Variants in PDIA4 observed in about 807,000 individuals in gnomAD.
PDIA4 encodes the protein protein disulfide isomerase family A member 4.
Under a neutral mutation model 62.1 loss-of-function variants are expected in PDIA4, and 33 were observed. The ratio of observed to expected loss-of-function variants is 0.53; its 90% CI spans 0.40 to 0.71. The LOEUF (loss-of-function observed/expected upper bound fraction) is 0.71. PDIA4 is among the 30% of genes least tolerant of loss of function. The pLI is 0.00. For missense variants in PDIA4, 804 were observed against 813.6 expected, an observed-to-expected ratio of 0.99 and a Z score of 0.14; for synonymous variants, 341 against 324.1, an observed-to-expected ratio of 1.05 and a Z score of -0.56.
intron 1 of PDIA4, chr7:149,027,952 T>C (rs147432154): frequency 7.9e-6 from 4 of 504,232 alleles, no homozygotes; most frequent in Admixed American, 6.9e-5. Context: ...TCCCACTGCC[T>C]GGGCGCGTTC....
At chr7:149,008,333 T>C (rs1429253980) in intron 6 of PDIA4, 23 bp from the exon 7 acceptor site, 9 of 1,599,576 alleles carry the variant, frequency 5.6e-6, no homozygotes, top group Admixed American at 1.8e-5. Context: ...CAGAATAAGA[T>C]GTAATTTTGA....
intron 2 of PDIA4, 23 bp from the exon 3 acceptor site, chr7:149,019,220 C>A: frequency 6.6e-7 from 1 of 1,521,348 alleles, no homozygotes; most frequent in East Asian, 2.3e-5. Context: ...TTAGGAAGGG[C>A]AAAAAACGTT....
chr7:149,010,597 G>A (rs900632255), intron 6 of PDIA4, among the ~76,000 whole-genome samples: 15 of 152,130 alleles, frequency 9.9e-5, no homozygotes, highest in African/African-American at 2.7e-4. Context: ...AGACAGACCC[G>A]CATCAAGAAC....
chr7:149,028,021 CA>C, intron 1 of PDIA4: 4 of 600,142 alleles, frequency 6.7e-6, no homozygotes, highest in Non-Finnish European at 9.7e-6. Flanking sequence ...GACCCAGCTG[CA>C]AAAAAGGCGC....
intron 1 of PDIA4, among the ~76,000 whole-genome samples, 168 bp downstream of exon 1, chr7:149,028,153 G>T (rs916702996): frequency 3.3e-5 from 5 of 152,116 alleles, no homozygotes; most frequent in African/African-American, 1.2e-4. Flanking sequence ...CACAGCCACC[G>T]CCCCCGCCCC....
intron 4 of PDIA4, among the ~76,000 whole-genome samples, chr7:149,013,073 C>T (rs1455343823): frequency 2.0e-5 from 3 of 152,112 alleles, no homozygotes; most frequent in Non-Finnish European, 4.4e-5. Context: ...CATGGCAATA[C>T]CCCGTCTCTA....
chr7:149,003,601 GGACTA>G lies in PDIA4; in HGVS notation c.*188_*192del. 2.4e-6 allele frequency: 1 copy of G among 420,410 alleles called. No individual in the cohort carries two copies. Among genetic ancestry groups the G allele is most frequent in the Non-Finnish European group, 4.1e-6 (1 of 243,666 alleles). The allele number at this position is 420,410 out of a possible 1,614,324, so 26.0% of individuals were successfully genotyped here. On this transcript the variant is annotated 3_prime_UTR_variant, in exon 10 of 10. Transcript: ENST00000652332. ...ATAGATGTATCCTCTGTAAAAATCT[GGACTA>G]AACTATTCAGTCATTCATGGTTATT... is the stretch of plus-strand genomic sequence containing the variant.
Position 149,019,192 on chromosome 7 carries a change from C to A in PDIA4, c.275G>T (p.Gly92Val). The change falls in exon 3 of 10, where the codon GGA becomes GTA. Residue 92 changes from glycine (G) to valine (V), a missense_variant. Transcript: ENST00000652332. ...TTCCGGAGCAAACTGCTTGCAATGT[C>A]CACACCTAACAATTAGATTAGGAAG... ...VLLEFYAPWC[G>V]HCKQFAPEYE... 6.2e-7 allele frequency: 1 copy of A among 1,610,234 alleles called. No homozygotes were observed. The highest frequency in any genetic ancestry group is 1.1e-5 in the South Asian group (1 of 91,006).
intron 1 of PDIA4, chr7:149,027,829 T>A (rs1024776183): frequency 6.4e-6 from 3 of 471,752 alleles, no homozygotes; most frequent in African/African-American, 6.0e-5. Context: ...TATGGATTAA[T>A]CATTTCCAAA....
At chr7:149,024,833 A>C (rs1379940382) in intron 1 of PDIA4, among the ~76,000 whole-genome samples, 94 of 147,392 alleles carry the variant, frequency 6.4e-4, no homozygotes, top group African/African-American at 2.3e-3. Flanking sequence ...AAAAAAAAAA[A>C]AAAAAAAAAG....
At chr7:149,018,579 G>A (rs1167591635) in intron 3 of PDIA4, among the ~76,000 whole-genome samples, 3 of 152,086 alleles carry the variant, frequency 2.0e-5, no homozygotes, top group Admixed American at 1.3e-4. Flanking sequence ...TTACACTCAT[G>A]AGCCACTACA....
At chr7:149,004,884 G>C (rs1342172580) in intron 9 of PDIA4, among the ~76,000 whole-genome samples, 2 of 152,214 alleles carry the variant, frequency 1.3e-5, no homozygotes, top group East Asian at 3.8e-4. Context: ...AGTAAACACT[G>C]GGAGAACTGC....
chr7:149,024,915 G>A (rs964474670), intron 1 of PDIA4, among the ~76,000 whole-genome samples: 7 of 149,720 alleles, frequency 4.7e-5, no homozygotes, highest in East Asian at 3.9e-4. Flanking sequence ...TCCTGAGGTC[G>A]GGAGTTCGAG....
intron 1 of PDIA4, among the ~76,000 whole-genome samples, chr7:149,026,762 G>A (rs917002639): frequency 1.3e-5 from 2 of 148,578 alleles, no homozygotes; most frequent in Admixed American, 6.7e-5. Context: ...TCAGGACAGT[G>A]CACTCAAGCC....
chr7:149,015,093 C>G, intron 3 of PDIA4, 51 bp from the exon 4 acceptor site: 1 of 1,594,042 alleles, frequency 6.3e-7, no homozygotes, highest in Non-Finnish European at 8.6e-7. Flanking sequence ...CTGGCAGGCA[C>G]TTCACCTCCC....
rs115414715 is a variant in PDIA4, at chr7:149,025,646, G to A, written c.88+2675C>T. On this transcript the variant is annotated intron_variant, in intron 1 of 9. Coordinates refer to ENST00000652332, the MANE Select transcript of PDIA4 (RefSeq NM_004911.5). ...TCCAAAGATCACAAAGCTACTTAGC[G>A]GAGGGTCCTGACCACTTAACTGCTA... is the stretch of plus-strand genomic sequence containing the variant. Among the ~76,000 whole-genome samples, 699 of 152,244 alleles carry A rather than the reference G, an allele frequency of 4.6e-3. 5 individuals carry two copies. The highest frequency in any genetic ancestry group is 0.016 in the African/African-American group (646 of 41,538).
Position 149,028,132 on chromosome 7 carries a change from C to G in PDIA4, c.88+189G>C, listed in dbSNP as rs1011832109. 1.0e-5 allele frequency: 6 copies of G among 596,672 alleles called. No homozygotes were observed. In the African/African-American group the frequency reaches 1.1e-4, roughly 11 times the overall value. 37.0% of individuals were successfully genotyped at this position (596,672 alleles called of 1,614,324 possible). On this transcript the variant is annotated intron_variant, in intron 1 of 9. Transcript: ENST00000652332. ...CCTCTCCCGGGAACCCCAAATCGAT[C>G]CTGCCACTGCCACAGCCACCGCCCC...
chr7:149,024,702 G>A lies in PDIA4; in HGVS notation c.89-3555C>T, dbSNP rs375493051. ...ATGGTGGCACACACCTGTAATCCCAGCCACTCGGGAGGCTGAGGCAGGGGA... is the reference window on the plus strand; with the variant it reads ...ATGGTGGCACACACCTGTAATCCCAACCACTCGGGAGGCTGAGGCAGGGGA... On this transcript the variant is annotated intron_variant, in intron 1 of 9. Transcript: ENST00000652332. Among the ~76,000 whole-genome samples the A allele has an allele frequency of 1.3e-3, 201 of 151,474 alleles. 2 individuals are homozygous for A. The South Asian group carries it at 0.041, about 31-fold the overall frequency.
At chr7:149,019,298 C>T in intron 2 of PDIA4, 101 bp from the exon 3 acceptor site, 1 of 830,068 alleles carries the variant, frequency 1.2e-6, no homozygotes, top group South Asian at 1.5e-5. Context: ...GGTTTGTCCA[C>T]ACCAAAATGT....
Sources: allele counts gnomAD v4.1 joint callset (sites outside exome capture counted in the v4.1 genomes callset), GRCh38; gene constraint gnomAD v4.1.1; transcripts MANE v1.5; gene names NCBI Gene and HGNC (gene_info 2026-07-23, HGNC 2026-07-21).